The following ABR variants were observed in gnomAD, a reference collection of about 807,000 sequenced individuals.
ABR encodes the protein active breakpoint cluster region-related protein.
In ABR, 35 loss-of-function variants were observed where a neutral mutation model predicts 107.2. The observed-to-expected ratio is 0.33, with a 90% CI of 0.25 to 0.43. The LOEUF (loss-of-function observed/expected upper bound fraction) is 0.43, where lower values mean the gene tolerates loss of function less well. Ranked by LOEUF, ABR falls within the 20% of genes least tolerant of loss-of-function variation. The probability of loss-of-function intolerance (pLI) is 1.00; values close to 1 mark genes in which losing one functional copy is unlikely to be tolerated. For missense variants in ABR, 815 were observed against 1,115.2 expected (o/e 0.73, Z 3.83); for synonymous variants, 498 against 462.0 (o/e 1.08, Z -1.00).
intron 2 of ABR, among the ~76,000 whole-genome samples, chr17:1,114,438 C>G (rs2038887273): frequency 7.0e-6 from 1 of 142,102 alleles, no homozygotes; most frequent in Non-Finnish European, 1.5e-5. Flanking sequence ...CCACTGCACT[C>G]TAGTCTGGGC....
chr17:1,012,752 G>T lies in ABR; in HGVS notation c.1897C>A (p.Leu633Met). 1 of 1,598,880 alleles carries T rather than the reference G, an allele frequency of 6.3e-7. No individual in the cohort carries two copies. The highest frequency in any genetic ancestry group is 8.5e-7 in the Non-Finnish European group (1 of 1,172,112). ...SMKFTSRDMS[L>M]KRTPSKKQTG... ...TGCTTTTTGGACGGGGTCCTCTTCA[G>T]GCTCATATCTCGGCTGGTGAATTTC... The change falls in exon 18 of 23, where the codon CTG (leucine) becomes ATG (methionine). Residue 633 changes from leucine (L) to methionine (M), a missense_variant. Leu to Met is a conservative substitution (Grantham distance 15, BLOSUM62 2). This residue lies in a region of ABR where 92 missense variants were observed against 82.3 expected (regional missense o/e 1.12). Coordinates refer to ENST00000302538, the MANE Select transcript of ABR (RefSeq NM_021962.5).
chr17:1,159,670 A>AATGCAGTACTCACGCACAAGGGAAGT (rs2041205700), intron 1 of ABR, among the ~76,000 whole-genome samples: 39 of 31,232 alleles, frequency 1.2e-3, no homozygotes, highest in African/African-American at 3.4e-3. Flanking sequence ...GAGAAGTAAG[A>AATGCAGTACTCACGCACAAGGGAAGT]ATGCGGTACT....
chr17:1,196,128 CAAA>C (rs71148443), intron 1 of ABR, among the ~76,000 whole-genome samples: 74 of 123,826 alleles, frequency 6.0e-4, no homozygotes, highest in East Asian at 1.1e-3. Context: ...GATTCTGTCT[CAAA>C]AAAAAAAAAA....
intron 1 of ABR, among the ~76,000 whole-genome samples, chr17:1,226,521 G>A (rs909310970): frequency 1.3e-4 from 19 of 151,282 alleles, no homozygotes; most frequent in African/African-American, 2.9e-4. Context: ...GTGCATGCAT[G>A]TATGTGACAG....
chr17:1,047,730 A>T (rs367881452), intron 16 of ABR, among the ~76,000 whole-genome samples: 1 of 152,318 alleles, frequency 6.6e-6, no homozygotes, highest in East Asian at 1.9e-4. Context: ...TTTGCCAAAC[A>T]TAACCTGGCT....
In ABR at chr17:1,019,140, G is replaced by A. The variant is rs562303741; in HGVS notation, c.1792-5976C>T. Among the ~76,000 whole-genome samples, 108 of 152,136 alleles carry A rather than the reference G, an allele frequency of 7.1e-4. 2 individuals carry two copies. The highest frequency in any genetic ancestry group is 2.9e-3 in the Admixed American group (45 of 15,274). On this transcript the variant is annotated intron_variant, in intron 16 of 22. Coordinates refer to ENST00000302538, the MANE Select transcript of ABR (RefSeq NM_021962.5). ...CCCAGTACAGCCCTCCCGCTGCCTC[G>A]TGCCCATCACTTCCGCTCCAGCTGC... is the stretch of plus-strand genomic sequence containing the variant.
chr17:1,141,845 A>G (rs2040299910), intron 1 of ABR, among the ~76,000 whole-genome samples: 1 of 148,624 alleles, frequency 6.7e-6, no homozygotes, highest in African/African-American at 2.5e-5. Flanking sequence ...TGCAACCTCC[A>G]CCTCCCCGGT....
intron 1 of ABR, among the ~76,000 whole-genome samples, chr17:1,171,441 G>A (rs1215846920): frequency 2.0e-5 from 3 of 152,186 alleles, no homozygotes; most frequent in Non-Finnish European, 4.4e-5. Flanking sequence ...CGATGCCCCG[G>A]GGAGTCCAGC....
chr17:1,163,487 G>A (rs1212700997), intron 1 of ABR, among the ~76,000 whole-genome samples: 1 of 151,678 alleles, frequency 6.6e-6, no homozygotes, highest in African/African-American at 2.4e-5. Context: ...TCCAGACGCA[G>A]GGGCCCCAGA....
chr17:1,036,291 C>G (rs2073173452), intron 16 of ABR, among the ~76,000 whole-genome samples: 1 of 152,090 alleles, frequency 6.6e-6, no homozygotes, highest in Non-Finnish European at 1.5e-5. Context: ...CGGGGAGAGC[C>G]CCAAGAGGCC....
chr17:1,015,855 T>A (rs1416130203), intron 16 of ABR, among the ~76,000 whole-genome samples: 1 of 152,200 alleles, frequency 6.6e-6, no homozygotes, highest in Non-Finnish European at 1.5e-5. Context: ...TTAGTTCGCG[T>A]ATCTATAGGG....
At chr17:1,180,067 G>A (rs950132723), upstream of ABR, among the ~76,000 whole-genome samples, 12 of 145,654 alleles carry the variant, frequency 8.2e-5, no homozygotes, top group African/African-American at 2.7e-4. Context: ...CGGGGGCGGG[G>A]CGGGGAGGGA....
At chr17:1,036,620 C>T (rs2073196998) in intron 16 of ABR, among the ~76,000 whole-genome samples, 1 of 151,972 alleles carries the variant, frequency 6.6e-6, no homozygotes, top group Non-Finnish European at 1.5e-5. Flanking sequence ...GCAGGCCGAG[C>T]ATGGGAGCCC....
chr17:1,205,874 G>A (rs1470419894), intron 1 of ABR, among the ~76,000 whole-genome samples: 2 of 152,180 alleles, frequency 1.3e-5, no homozygotes, highest in African/African-American at 4.8e-5. Context: ...ACCAGGAGGT[G>A]GCGGTTGCAG....
chr17:1,038,083 C>T lies in ABR; in HGVS notation c.1791+11967G>A, dbSNP rs567842361. Among the ~76,000 whole-genome samples, 18 of 152,288 alleles carry T rather than the reference C, an allele frequency of 1.2e-4. No homozygotes were observed. In the Middle Eastern group the frequency reaches 0.017, roughly 144 times the overall value. ...GCAGGCGCCCTGGCTGAAGAGGGGACGTGGGGCCCACTGGCTCACACCTGC... is the reference window on the plus strand; with the variant it reads ...GCAGGCGCCCTGGCTGAAGAGGGGATGTGGGGCCCACTGGCTCACACCTGC... On this transcript the variant is annotated intron_variant, in intron 16 of 22. Transcript: ENST00000302538.
At chr17:1,196,179 C>T (rs1423871720) in intron 1 of ABR, among the ~76,000 whole-genome samples, 1 of 149,314 alleles carries the variant, frequency 6.7e-6, no homozygotes, top group African/African-American at 2.5e-5. Context: ...CCTATAATCC[C>T]GGCACTTTGG....
chr17:1,069,888 C>T, intron 9 of ABR, 81 bp downstream of exon 9: 1 of 213,262 alleles, frequency 4.7e-6, no homozygotes, highest in South Asian at 6.0e-5. Context: ...GGACCCCCTC[C>T]CCCGCCCCGG....
intron 12 of ABR, 51 bp downstream of exon 12, chr17:1,057,919 C>T (rs1362303675): frequency 1.3e-6 from 2 of 1,522,282 alleles, no homozygotes; most frequent in African/African-American, 1.4e-5. Context: ...TACAAAAGGC[C>T]CATCAATGCC....
At chr17:1,204,624 A>G (rs1034365697) in intron 1 of ABR, among the ~76,000 whole-genome samples, 1 of 152,188 alleles carries the variant, frequency 6.6e-6, no homozygotes, top group Non-Finnish European at 1.5e-5. Flanking sequence ...TTGTGTTACA[A>G]CGGCCTATAG....
Sources: allele counts gnomAD v4.1 joint callset (sites outside exome capture counted in the v4.1 genomes callset), GRCh38; gene constraint gnomAD v4.1.1; regional missense constraint gnomAD v4.1.1; transcripts MANE v1.5; gene names NCBI Gene and HGNC (gene_info 2026-07-23, HGNC 2026-07-21).